The following MGAT4C variants were observed in gnomAD, a reference collection of about 807,000 sequenced individuals.
MGAT4C encodes the protein MGAT4 family member C.
MGAT4C carries 19 observed loss-of-function variants against 40.1 expected under a neutral mutation model. That is an observed-to-expected ratio of 0.47 (90% CI 0.33 to 0.70). The LOEUF (loss-of-function observed/expected upper bound fraction) is 0.70. Ranked by LOEUF, MGAT4C falls within the 30% of genes least tolerant of loss-of-function variation. The pLI is 0.02. For synonymous variants in MGAT4C, 181 were observed against 187.1 expected (o/e 0.97, Z 0.27); for missense variants, 491 against 563.2 (o/e 0.87, Z 1.30).
intron 2 of MGAT4C, among the ~76,000 whole-genome samples, chr12:86,461,017 T>A (rs950797037): frequency 6.6e-6 from 1 of 152,128 alleles, no homozygotes; most frequent in African/African-American, 2.4e-5. Flanking sequence ...CCTATACTCC[T>A]TAAAATATAA....
intron 2 of MGAT4C, among the ~76,000 whole-genome samples, chr12:86,590,938 A>G (rs1256933696): frequency 6.6e-6 from 1 of 152,004 alleles, no homozygotes; most frequent in Admixed American, 6.6e-5. Context: ...GCACTTGGAA[A>G]TGCATCAGAA....
chr12:86,707,954 T>A (rs1950491913), intron 2 of MGAT4C, among the ~76,000 whole-genome samples: 1 of 152,164 alleles, frequency 6.6e-6, no homozygotes, highest in African/African-American at 2.4e-5. Flanking sequence ...GACAATGTGA[T>A]AGAAAAGAAA....
intron 3 of MGAT4C, among the ~76,000 whole-genome samples, chr12:86,394,923 G>GT (rs1365891896): frequency 6.6e-6 from 1 of 151,608 alleles, no homozygotes; most frequent in African/African-American, 2.4e-5. Flanking sequence ...GCTTAATTAT[G>GT]TTTTTTTGAG....
chr12:86,142,615 T>G (rs1378656643), intron 1 of MGAT4C, among the ~76,000 whole-genome samples: 1 of 152,072 alleles, frequency 6.6e-6, no homozygotes, highest in African/African-American at 2.4e-5. Context: ...GAATATATAG[T>G]AGGGGATTGT....
chr12:86,018,081 C>T (rs1889274025), intron 2 of MGAT4C, among the ~76,000 whole-genome samples: 1 of 152,118 alleles, frequency 6.6e-6, no homozygotes, highest in African/African-American at 2.4e-5. Context: ...TGGAGTGTTA[C>T]TTGGACTACA....
chr12:86,656,094 T>G (rs757904466), intron 2 of MGAT4C, among the ~76,000 whole-genome samples: 2 of 152,092 alleles, frequency 1.3e-5, no homozygotes, highest in Non-Finnish European at 2.9e-5. Flanking sequence ...AGTAAAGGCT[T>G]AGGACTACAT....
chr12:86,555,642 G>T (rs902727594), intron 2 of MGAT4C, among the ~76,000 whole-genome samples: 6 of 152,090 alleles, frequency 3.9e-5, no homozygotes, highest in Middle Eastern at 3.2e-3. Flanking sequence ...ATTGTATCTT[G>T]AGTTAAAAGA....
rs964677938 is a variant in MGAT4C at position 86,540,740 on chromosome 12, A to AAGAG, written c.-228-105479_-228-105476dup. ...GACAGAGTGAGACTCCATCTCCAGA[A>AAGAG]AGAGAGAGAGAGAGAGAGAGAGAAA... On this transcript the variant is annotated intron_variant, in intron 2 of 7. Coordinates refer to the MGAT4C transcript ENST00000548651. Among the ~76,000 whole-genome samples the AAGAG allele has an allele frequency of 1.8e-3, 270 of 150,472 alleles. 3 individuals are homozygous for AAGAG. Among genetic ancestry groups the AAGAG allele is most frequent in the African/African-American group, 6.2e-3 (255 of 41,000 alleles).
chr12:86,099,543 G>A (rs976636342), intron 1 of MGAT4C, among the ~76,000 whole-genome samples: 1 of 151,338 alleles, frequency 6.6e-6, no homozygotes, highest in Non-Finnish European at 1.5e-5. Context: ...GTGAGCAAAG[G>A]ATATAAACAG....
intron 2 of MGAT4C, among the ~76,000 whole-genome samples, chr12:86,622,143 G>T (rs991928619): frequency 2.6e-5 from 4 of 152,130 alleles, no homozygotes; most frequent in African/African-American, 9.7e-5. Context: ...CTTATGAGTG[G>T]TTTATTGTGA....
intron 1 of MGAT4C, among the ~76,000 whole-genome samples, chr12:86,128,700 C>A (rs973446921): frequency 6.6e-6 from 1 of 152,104 alleles, no homozygotes; most frequent in Non-Finnish European, 1.5e-5. Context: ...CAAAATAACA[C>A]AATATTTTCT....
chr12:86,426,736 A>G (rs978070031), intron 3 of MGAT4C, among the ~76,000 whole-genome samples: 18 of 152,182 alleles, frequency 1.2e-4, no homozygotes, highest in African/African-American at 4.3e-4. Context: ...TCACGAGGTC[A>G]GGAGATCGAG....
At position 86,231,408 on chromosome 12, in the gene MGAT4C, C is replaced by G. The variant is rs1006036166; in HGVS notation, c.-57+24831G>C. Among the ~76,000 whole-genome samples the G allele has an allele frequency of 5.9e-5, 9 of 152,224 alleles. No individual in the cohort carries two copies. The South Asian group carries it at 6.2e-4, about 11-fold the overall frequency. On this transcript the variant is annotated intron_variant, in intron 1 of 4. Coordinates refer to ENST00000611864, the MANE Select transcript of MGAT4C (RefSeq NM_001351288.2). The stretch of plus-strand genomic sequence containing the variant: ...ACCTAACCAGTGGGTTACCTTCTGC[C>G]TTTCTAATCATCTGCCTATCTAACT...
chr12:86,480,865 T>TC (rs1208833724), intron 2 of MGAT4C, among the ~76,000 whole-genome samples: 2 of 151,894 alleles, frequency 1.3e-5, no homozygotes, highest in East Asian at 3.8e-4. Flanking sequence ...TTTCTTTTTT[T>TC]TTCTTCTTGC....
At chr12:85,989,291 A>C (rs944338869) in intron 3 of MGAT4C, 109 bp downstream of exon 3, 1 of 1,094,312 alleles carries the variant, frequency 9.1e-7, no homozygotes, top group Non-Finnish European at 1.2e-6. Flanking sequence ...TTTTGCTCAA[A>C]CTAAGTCTTC....
intron 4 of MGAT4C, among the ~76,000 whole-genome samples, chr12:86,266,504 A>T (rs1952790847): frequency 6.6e-6 from 1 of 152,080 alleles, no homozygotes; most frequent in Non-Finnish European, 1.5e-5. Context: ...ATTGTGGTGT[A>T]TTATCTTTTT....
intron 3 of MGAT4C, among the ~76,000 whole-genome samples, chr12:86,429,817 T>C (rs1956999127): frequency 6.6e-6 from 1 of 152,312 alleles, no homozygotes; most frequent in East Asian, 1.9e-4. Flanking sequence ...TATTGGCATC[T>C]ATCCCAGACA....
intron 4 of MGAT4C, among the ~76,000 whole-genome samples, chr12:86,325,816 G>T (rs1954512898): frequency 6.6e-6 from 1 of 152,000 alleles, no homozygotes; most frequent in Non-Finnish European, 1.5e-5. Flanking sequence ...GGTCGAGGCT[G>T]CAATGAGCAG....
upstream of MGAT4C, among the ~76,000 whole-genome samples, chr12:86,256,797 T>G (rs1952533345): frequency 6.6e-6 from 1 of 152,154 alleles, no homozygotes; most frequent in African/African-American, 2.4e-5. Flanking sequence ...TTGCATTGAT[T>G]TTACAGTACT....
Sources: gnomAD v4.1 joint callset for allele counts (sites outside exome capture counted in the v4.1 genomes callset) on GRCh38, gnomAD v4.1.1 for gene constraint, MANE v1.5 for transcripts, NCBI Gene and HGNC (gene_info 2026-07-23, HGNC 2026-07-21) for gene names.